SNX9: variants seen among roughly 807,000 people sequenced by gnomAD.
SNX9 encodes sorting nexin 9.
In SNX9, 44 loss-of-function variants were observed where a neutral mutation model predicts 89.4. The ratio of observed to expected loss-of-function variants is 0.49; its 90% CI spans 0.39 to 0.63. The LOEUF is 0.63. Ranked by LOEUF, SNX9 falls within the 30% of genes least tolerant of loss-of-function variation. The pLI is 0.00. For synonymous variants in SNX9, 236 were observed against 247.8 expected (o/e 0.95, Z 0.45); for missense variants, 578 against 736.1 (o/e 0.79, Z 2.49).
chr6:157,898,846 G>C (rs1390238334), intron 5 of SNX9, among the ~76,000 whole-genome samples: 2 of 152,250 alleles, frequency 1.3e-5, no homozygotes, highest in African/African-American at 2.4e-5. Context: ...AAGGCTGGCA[G>C]TCATAGACAG....
rs758975444 is a variant in SNX9, at chr6:157,901,979, A to T, written c.554A>T (p.Asp185Val). The T allele has an allele frequency of 1.9e-6, 3 of 1,613,764 alleles. No homozygotes were observed. The highest frequency in any genetic ancestry group is 2.5e-6 in the Non-Finnish European group (3 of 1,179,972). ...SSYFKDSESA[D>V]AGGAQRGNSR... ...TACTTTAAGGATTCAGAGTCAGCTG[A>T]TGCAGGCGGCGCTCAGCGAGGAAAC... Residue 185 changes from aspartate to valine, a missense_variant, in exon 6 of 18, where the codon GAT becomes GTT. By Grantham distance (152) the Asp-to-Val change is radical. Transcript: ENST00000392185.
chr6:157,835,160 G>A (rs1781559092), intron 1 of SNX9, among the ~76,000 whole-genome samples: 1 of 151,922 alleles, frequency 6.6e-6, no homozygotes, highest in Admixed American at 6.6e-5. Flanking sequence ...TTACAGATGT[G>A]TGCCACCACG....
At chr6:157,840,922 G>A (rs1318889392) in intron 1 of SNX9, among the ~76,000 whole-genome samples, 1 of 152,162 alleles carries the variant, frequency 6.6e-6, no homozygotes, top group African/African-American at 2.4e-5. Context: ...TCGACTGGTG[G>A]CCACATAGAC....
intron 9 of SNX9, among the ~76,000 whole-genome samples, chr6:157,920,289 T>C (rs889436272): frequency 6.6e-6 from 1 of 152,210 alleles, no homozygotes; most frequent in African/African-American, 2.4e-5. Flanking sequence ...AGCCTCAGCC[T>C]GGAATATGCA....
At chr6:157,914,498 C>T (rs1286600162) in intron 9 of SNX9, among the ~76,000 whole-genome samples, 1 of 86,470 alleles carries the variant, frequency 1.2e-5, no homozygotes, top group African/African-American at 5.8e-5. Flanking sequence ...TTTTTGGAGA[C>T]AGGGTCTCAC....
At chr6:157,937,731 A>C (rs1331868630) in intron 15 of SNX9, among the ~76,000 whole-genome samples, 1 of 152,204 alleles carries the variant, frequency 6.6e-6, no homozygotes, top group African/African-American at 2.4e-5. Flanking sequence ...AAAAATCTGT[A>C]CATCACCTCA....
chr6:157,927,113 A>T lies in SNX9; in HGVS notation c.1083A>T (p.Glu361Asp), dbSNP rs140326668. The T allele has an allele frequency of 6.2e-7, 1 of 1,613,402 alleles. No individual in the cohort carries two copies. The highest frequency in any genetic ancestry group is 2.2e-5 in the East Asian group (1 of 44,882). ...CCTTACAACATTCTCATTTACAGGA[A>T]TGGAAAACTGGAAAGAGGAAGGCCG... ...QQFLNFRDEK[E>D]WKTGKRKAER... Residue 361 changes from glutamate to aspartate, a missense_variant and splice_region_variant, in exon 11 of 18, where the codon GAA becomes GAT. Around this residue, in one of 2 missense-constraint regions of SNX9, gnomAD observed 348 missense variants for 491.4 expected, o/e 0.71. Coordinates refer to ENST00000392185, the MANE Select transcript of SNX9 (RefSeq NM_016224.5).
At chr6:157,833,316 C>T (rs935473131) in intron 1 of SNX9, among the ~76,000 whole-genome samples, 1 of 152,082 alleles carries the variant, frequency 6.6e-6, no homozygotes, top group Non-Finnish European at 1.5e-5. Flanking sequence ...TAAAAACTTA[C>T]TGTCTTTAGG....
At chr6:157,856,036 A>G (rs2115125178) in intron 1 of SNX9, among the ~76,000 whole-genome samples, 1 of 152,352 alleles carries the variant, frequency 6.6e-6, no homozygotes, top group African/African-American at 2.4e-5. Context: ...GGCGTGAGCC[A>G]CCACGCCCGG....
chr6:157,900,554 A>G (rs1783075674), intron 5 of SNX9, among the ~76,000 whole-genome samples: 1 of 152,160 alleles, frequency 6.6e-6, no homozygotes, highest in Non-Finnish European at 1.5e-5. Context: ...TGCAGTGCCA[A>G]CAATGCACTG....
At chr6:157,909,526 T>C in intron 7 of SNX9, 139 bp from the exon 8 acceptor site, 1 of 996,376 alleles carries the variant, frequency 1.0e-6, no homozygotes, top group Non-Finnish European at 1.5e-6. Context: ...TTGAACCATT[T>C]ATGTACCTTT....
At chr6:157,883,222 T>G (rs1215646997) in intron 4 of SNX9, among the ~76,000 whole-genome samples, 1 of 152,200 alleles carries the variant, frequency 6.6e-6, no homozygotes. Flanking sequence ...AATTAAGATA[T>G]GTATTTTTTA....
intron 4 of SNX9, among the ~76,000 whole-genome samples, chr6:157,894,772 A>G (rs1240542003): frequency 6.6e-6 from 1 of 152,226 alleles, no homozygotes; most frequent in Non-Finnish European, 1.5e-5. Flanking sequence ...CTCTTTCAAA[A>G]GCAATTTGAC....
intron 4 of SNX9, among the ~76,000 whole-genome samples, chr6:157,880,604 C>A (rs186195413): frequency 2.6e-5 from 4 of 152,284 alleles, no homozygotes; most frequent in Non-Finnish European, 5.9e-5. Flanking sequence ...TCTTTCTGTG[C>A]CCTCTTTTTA....
chr6:157,913,137 T>C (rs976293645), intron 9 of SNX9, among the ~76,000 whole-genome samples: 1 of 152,200 alleles, frequency 6.6e-6, no homozygotes, highest in African/African-American at 2.4e-5. Context: ...TTGTCTTTTT[T>C]CCAAGGCACA....
At chr6:157,839,791 C>T (rs1380699038) in intron 1 of SNX9, among the ~76,000 whole-genome samples, 1 of 152,182 alleles carries the variant, frequency 6.6e-6, no homozygotes, top group African/African-American at 2.4e-5. Context: ...GGCCTTTCCT[C>T]CTGCCCCTCA....
chr6:157,849,123 A>G (rs1008965876), intron 1 of SNX9, among the ~76,000 whole-genome samples: 3 of 152,246 alleles, frequency 2.0e-5, no homozygotes. Flanking sequence ...AAAGAAAAGA[A>G]AATAGTTCAA....
At chr6:157,899,317 G>A (rs994589438) in intron 5 of SNX9, among the ~76,000 whole-genome samples, 8 of 151,642 alleles carry the variant, frequency 5.3e-5, no homozygotes, top group East Asian at 1.9e-4. Flanking sequence ...AAGTTCTGTC[G>A]TCCCTTTCGT....
chr6:157,875,379 T>A (rs1380339500), intron 4 of SNX9, among the ~76,000 whole-genome samples: 1 of 150,664 alleles, frequency 6.6e-6, no homozygotes, highest in Non-Finnish European at 1.5e-5. Flanking sequence ...CAAAATTTAT[T>A]ATAAGAGAAA....
Sources: allele counts gnomAD v4.1 joint callset (sites outside exome capture counted in the v4.1 genomes callset), GRCh38; gene constraint gnomAD v4.1.1; regional missense constraint gnomAD v4.1.1; transcripts MANE v1.5; gene names NCBI Gene and HGNC (gene_info 2026-07-23, HGNC 2026-07-21).